The following MALRD1 variants were observed in gnomAD, a reference collection of about 807,000 sequenced individuals.
MALRD1 encodes MAM and LDL-receptor class A domain-containing protein 1.
In MALRD1, 247 loss-of-function variants were observed where a neutral mutation model predicts 242.1. The ratio of observed to expected loss-of-function variants is 1.02; its 90% CI spans 0.92 to 1.13. The LOEUF (loss-of-function observed/expected upper bound fraction) is 1.13. Among genes scored for constraint, MALRD1 ranks in the 50% most tolerant of loss-of-function variants. The pLI, the probability that MALRD1 is intolerant of heterozygous loss-of-function variation, is 0.00. For synonymous variants in MALRD1, 995 were observed against 866.6 expected, an observed-to-expected ratio of 1.15 and a Z score of -2.60; for missense variants, 2,989 against 2,533.1, an observed-to-expected ratio of 1.18 and a Z score of -3.86.
chr10:19,500,224 C>G lies in MALRD1; in HGVS notation c.5320+1578C>G, dbSNP rs113937905. On this transcript the variant is annotated intron_variant, in intron 31 of 39. Transcript: ENST00000454679. Reference sequence around the variant, plus strand: ...AGAATTAACCTTTAAATTGAATATTCTAACTCCTTTTGACTTGCCACGTTG... The same window carrying G: ...AGAATTAACCTTTAAATTGAATATTGTAACTCCTTTTGACTTGCCACGTTG... Among the ~76,000 whole-genome samples, 448 of 152,270 alleles carry G rather than the reference C, an allele frequency of 2.9e-3. 3 individuals carry two copies. The highest frequency in any genetic ancestry group is 0.01 in the African/African-American group (430 of 41,552).
intron 1 of MALRD1, among the ~76,000 whole-genome samples, chr10:19,055,179 A>G (rs527536371): frequency 1.3e-5 from 2 of 152,260 alleles, no homozygotes; most frequent in Non-Finnish European, 2.9e-5. Context: ...TAATGTACCT[A>G]TTGAACATTT....
chr10:19,216,119 C>CTTTTT (rs753559077), intron 18 of MALRD1, among the ~76,000 whole-genome samples: 17 of 122,808 alleles, frequency 1.4e-4, no homozygotes, highest in African/African-American at 2.1e-4. Flanking sequence ...TTCTTTCTTT[C>CTTTTT]TTTTTTTTTT....
intron 10 of MALRD1, among the ~76,000 whole-genome samples, chr10:19,143,836 C>T (rs1833633800): frequency 6.6e-6 from 1 of 152,172 alleles, no homozygotes. Context: ...GGTGGCAGAG[C>T]TCACAGAGAA....
intron 28 of MALRD1, among the ~76,000 whole-genome samples, chr10:19,408,623 A>G (rs1183109004): frequency 6.6e-6 from 1 of 152,240 alleles, no homozygotes; most frequent in Non-Finnish European, 1.5e-5. Flanking sequence ...ATAAAGAGAC[A>G]TTTCACTGAA....
chr10:19,707,604 T>A (rs959618319), intron 38 of MALRD1, among the ~76,000 whole-genome samples: 3 of 152,130 alleles, frequency 2.0e-5, no homozygotes, highest in Non-Finnish European at 4.4e-5. Flanking sequence ...CAGTGATTGC[T>A]TAATACAAGT....
intron 35 of MALRD1, among the ~76,000 whole-genome samples, chr10:19,612,122 A>G (rs533143905): frequency 4.1e-4 from 62 of 152,130 alleles, no homozygotes; most frequent in Non-Finnish European, 7.8e-4. Context: ...CAAAATACAT[A>G]TTTGAGGAAG....
chr10:19,127,503 C>T (rs1376866568), intron 7 of MALRD1, among the ~76,000 whole-genome samples: 1 of 152,106 alleles, frequency 6.6e-6, no homozygotes, highest in Admixed American at 6.6e-5. Context: ...TTTAAATAAA[C>T]ATCAGAGACG....
At chr10:19,174,594 G>A (rs975774636) in intron 13 of MALRD1, among the ~76,000 whole-genome samples, 3 of 151,580 alleles carry the variant, frequency 2.0e-5, no homozygotes, top group Non-Finnish European at 4.4e-5. Context: ...CATAATATGA[G>A]TAATTAACAA....
At chr10:19,416,032 T>A (rs568236122) in intron 28 of MALRD1, among the ~76,000 whole-genome samples, 1 of 152,310 alleles carries the variant, frequency 6.6e-6, no homozygotes, top group East Asian at 1.9e-4. Flanking sequence ...ACTGCTTATA[T>A]GTTAGTAAGA....
In MALRD1 at chr10:19,270,332, T is replaced by TCACA. The variant is rs1198896770; in HGVS notation, c.3080-9714_3080-9713insACAC. On this transcript the variant is annotated intron_variant, in intron 19 of 39. Transcript: ENST00000454679. ...TCTCTCTCTCTTCTCTCTCTCTCTC[T>TCACA]CTCTCACACACACACACACACACAC... Among the ~76,000 whole-genome samples, 11 of 72,672 alleles carry TCACA rather than the reference T, an allele frequency of 1.5e-4. No homozygotes were observed. The South Asian group carries it at 3.9e-3, about 26-fold the overall frequency. The allele number at this position is 72,672 out of a possible 152,430, so 47.7% of individuals were successfully genotyped here. A position where few individuals can be genotyped will look rare whatever the true frequency, so the allele number is the denominator to read the frequency against.
chr10:19,423,458 C>A (rs1833788549), intron 28 of MALRD1, among the ~76,000 whole-genome samples: 1 of 151,704 alleles, frequency 6.6e-6, no homozygotes, highest in Non-Finnish European at 1.5e-5. Flanking sequence ...CCCTCCCACC[C>A]CCCAGAAAAA....
intron 19 of MALRD1, among the ~76,000 whole-genome samples, chr10:19,263,212 C>T (rs920017306): frequency 6.6e-6 from 1 of 152,112 alleles, no homozygotes; most frequent in Non-Finnish European, 1.5e-5. Context: ...TTTTGAGCAA[C>T]CTCCATACTG....
At chr10:19,644,012 T>C (rs1840532139) in intron 36 of MALRD1, among the ~76,000 whole-genome samples, 1 of 151,218 alleles carries the variant, frequency 6.6e-6, no homozygotes, top group African/African-American at 2.5e-5. Flanking sequence ...CAGATCTGTT[T>C]GTTCAAAGAG....
At chr10:19,381,684 A>T (rs1200273457) in intron 26 of MALRD1, among the ~76,000 whole-genome samples, 1 of 151,378 alleles carries the variant, frequency 6.6e-6, no homozygotes, top group East Asian at 1.9e-4. Flanking sequence ...AAAAAAAAAA[A>T]AAAAATTAGC....
intron 2 of MALRD1, among the ~76,000 whole-genome samples, chr10:19,083,331 G>A (rs560434101): frequency 6.6e-6 from 1 of 152,112 alleles, no homozygotes; most frequent in East Asian, 1.9e-4. Flanking sequence ...CCAGATGTTA[G>A]GGCTTAGGGT....
intron 1 of MALRD1, among the ~76,000 whole-genome samples, chr10:19,060,998 C>T (rs530306307): frequency 7.2e-5 from 11 of 152,210 alleles, no homozygotes; most frequent in Admixed American, 1.3e-4. Context: ...AGCCATTATC[C>T]TCAGCAAACT....
At chr10:19,441,739 G>A (rs1023029314) in intron 28 of MALRD1, among the ~76,000 whole-genome samples, 2 of 152,134 alleles carry the variant, frequency 1.3e-5, no homozygotes, top group Non-Finnish European at 2.9e-5. Context: ...CTGTAGCCTT[G>A]TAGTATAGTT....
chr10:19,278,412 T>C (rs1461124423), intron 19 of MALRD1, among the ~76,000 whole-genome samples: 2 of 152,150 alleles, frequency 1.3e-5, no homozygotes, highest in Admixed American at 6.6e-5. Context: ...TGTTATTTTA[T>C]TCATTCATCC....
intron 19 of MALRD1, among the ~76,000 whole-genome samples, chr10:19,275,314 A>C (rs536409876): frequency 6.6e-6 from 1 of 152,306 alleles, no homozygotes; most frequent in East Asian, 1.9e-4. Context: ...AGTTATTGAC[A>C]CTCAATTCGC....
Sources: allele counts gnomAD v4.1 joint callset (sites outside exome capture counted in the v4.1 genomes callset), GRCh38; gene constraint gnomAD v4.1.1; transcripts MANE v1.5; gene names NCBI Gene and HGNC (gene_info 2026-07-23, HGNC 2026-07-21).